Variants in RP1 observed in about 807,000 individuals in gnomAD.
The protein encoded by RP1 is RP1 axonemal microtubule associated, also known as oxygen-regulated protein 1.
Under a neutral mutation model 14.8 loss-of-function variants are expected in RP1, and 16 were observed. The observed-to-expected ratio is 1.08, with a 90% confidence interval of 0.73 to 1.65. The LOEUF (loss-of-function observed/expected upper bound fraction) is 1.65, where lower values mean the gene tolerates loss of function less well. Among genes scored for constraint, RP1 ranks in the 40% most tolerant of loss-of-function variants. RP1 has a pLI of 0.00. For missense variants in RP1, 2,631 were observed against 2,535.0 expected (o/e 1.04, Z -0.81); for synonymous variants, 876 against 883.6 (o/e 0.99, Z 0.15).
At position 54,629,983 on chromosome 8, in the gene RP1, T is replaced by C. The variant is rs1806206218; in HGVS notation, c.6101T>C (p.Met2034Thr). ...CCAGATTTGAAGGAAAGGTTTTGTA[T>C]GAATTTCTTGCACACATCATTGTTA... The part of the protein sequence containing the change: ...FQPDLKERFC[M>T]NFLHTSLLVV... Residue 2034 changes from methionine to threonine, a missense_variant, in exon 4 of 4, where the codon ATG (methionine) becomes ACG (threonine). By Grantham distance (81) the Met-to-Thr change is moderately conservative. Transcript: ENST00000220676. The C allele has an allele frequency of 6.2e-7, 1 of 1,614,054 alleles. No individual in the cohort carries two copies. The highest frequency in any genetic ancestry group is 8.5e-7 in the Non-Finnish European group (1 of 1,179,970).
intron 27 of RP1, among the ~76,000 whole-genome samples, chr8:54,864,647 G>A (rs1057240876): frequency 5.9e-5 from 9 of 152,128 alleles, no homozygotes; most frequent in African/African-American, 2.4e-5. Context: ...GCAGAGCAGC[G>A]CTGCCTGTAT....
intron 14 of RP1, chr8:54,706,350 C>A: frequency 3.2e-6 from 4 of 1,266,530 alleles, no homozygotes; most frequent in African/African-American, 1.5e-5. Context: ...GTCACTATGG[C>A]TTCAGTAAGA....
chr8:54,807,656 A>G (rs973888267), intron 24 of RP1, among the ~76,000 whole-genome samples: 31 of 55,672 alleles, frequency 5.6e-4, no homozygotes, highest in Non-Finnish European at 7.9e-4. Context: ...CTATCTATCT[A>G]TCTATCTATC....
intron 24 of RP1, among the ~76,000 whole-genome samples, chr8:54,789,698 C>G (rs1308353450): frequency 6.6e-6 from 1 of 152,176 alleles, no homozygotes. Flanking sequence ...GGAGTCCAGA[C>G]AGCAAACCCA....
chr8:54,699,469 G>T, exon 13 of RP1: 1 of 1,356,596 alleles, frequency 7.4e-7, no homozygotes, highest in African/African-American at 1.4e-5. Context: ...TTTTCCAGGT[G>T]TCTTTGATGT....
In RP1 at chr8:54,740,590, T is replaced by G. The variant is rs185777626; in HGVS notation, c.2808+1561T>G. ...TACAAGAATTAGCTGGGCGTGGTGA[T>G]ATGCACCTGTAATCCCAGCTACTCA... On this transcript the variant is annotated intron_variant, in intron 19 of 22. Transcript: ENST00000636932. Among the ~76,000 whole-genome samples the G allele has an allele frequency of 4.2e-4, 64 of 151,572 alleles. No homozygotes were observed. In the East Asian group the frequency reaches 9.9e-3, roughly 23 times the overall value.
chr8:54,843,660 A>G (rs1811843788), intron 25 of RP1, among the ~76,000 whole-genome samples: 1 of 152,170 alleles, frequency 6.6e-6, no homozygotes, highest in Admixed American at 6.5e-5. Context: ...TTCATTAATT[A>G]AATCAAAGGG....
chr8:54,607,539 C>A (rs2129308211), intron 1 of RP1, among the ~76,000 whole-genome samples: 1 of 152,312 alleles, frequency 6.6e-6, no homozygotes, highest in Non-Finnish European at 1.5e-5. Context: ...TCTCCAGTTG[C>A]ATGCTGGGAG....
chr8:54,699,464 C>G, intron 12 of RP1: 1 of 1,329,766 alleles, frequency 7.5e-7, no homozygotes, highest in Non-Finnish European at 9.7e-7. Flanking sequence ...AAATGTTTTC[C>G]AGGTGTCTTT....
At chr8:54,590,877 T>G (rs189588092) in intron 1 of RP1, among the ~76,000 whole-genome samples, 33 of 152,322 alleles carry the variant, frequency 2.2e-4, no homozygotes, top group African/African-American at 7.7e-4. Flanking sequence ...ATTACAGATG[T>G]CAGCCTTCAT....
At chr8:54,823,500 T>C (rs912883972) in intron 24 of RP1, among the ~76,000 whole-genome samples, 5 of 152,102 alleles carry the variant, frequency 3.3e-5, no homozygotes, top group African/African-American at 1.2e-4. Flanking sequence ...CAGCTAATTT[T>C]TGTGTTTTTA....
chr8:54,699,179 A>T (rs1807951234), intron 12 of RP1, among the ~76,000 whole-genome samples: 1 of 151,454 alleles, frequency 6.6e-6, no homozygotes, highest in Non-Finnish European at 1.5e-5. Context: ...ATATACGTAC[A>T]TACTCAAATA....
chr8:54,775,758 G>A (rs1397485705), intron 23 of RP1, among the ~76,000 whole-genome samples: 1 of 152,224 alleles, frequency 6.6e-6, no homozygotes, highest in African/African-American at 2.4e-5. Context: ...CATGGTAGCA[G>A]TAGAATTGGT....
chr8:54,778,321 CTTTTT>C (rs35643905), intron 23 of RP1, among the ~76,000 whole-genome samples: 24 of 96,744 alleles, frequency 2.5e-4, no homozygotes, highest in African/African-American at 5.9e-4. Flanking sequence ...GCTTCTTCTT[CTTTTT>C]TTTTTTTTTT....
At chr8:54,822,352 A>G (rs1811276896) in intron 24 of RP1, among the ~76,000 whole-genome samples, 1 of 138,198 alleles carries the variant, frequency 7.2e-6, no homozygotes, top group African/African-American at 2.6e-5. Flanking sequence ...TGTATCTACT[A>G]TGATTTTGTA....
chr8:54,796,066 A>G (rs1375331115), intron 24 of RP1, among the ~76,000 whole-genome samples: 3 of 152,096 alleles, frequency 2.0e-5, no homozygotes, highest in East Asian at 1.9e-4. Context: ...ATTTTTCTCA[A>G]TTGGTAGCCA....
chr8:54,639,691 T>C (rs923243380), intron 3 of RP1, among the ~76,000 whole-genome samples: 7 of 152,218 alleles, frequency 4.6e-5, no homozygotes, highest in Non-Finnish European at 2.9e-5. Context: ...TTGCTGTTCA[T>C]ATATCTTTTG....
intron 1 of RP1, among the ~76,000 whole-genome samples, chr8:54,609,177 A>T (rs1805531358): frequency 6.6e-6 from 1 of 152,180 alleles, no homozygotes; most frequent in Non-Finnish European, 1.5e-5. Flanking sequence ...TCTCCTGGCC[A>T]GCCTGCATTG....
At chr8:54,690,725 AGCAAATCAGGGCTAT>A (rs1282650355) in intron 12 of RP1, among the ~76,000 whole-genome samples, 1 of 152,050 alleles carries the variant, frequency 6.6e-6, no homozygotes, top group Non-Finnish European at 1.5e-5. Context: ...ACTGAGCTGC[AGCAAATCAGGGCTAT>A]TTGTATCAAA....
Sources: allele counts gnomAD v4.1 joint callset (sites outside exome capture counted in the v4.1 genomes callset), GRCh38; gene constraint gnomAD v4.1.1; transcripts MANE v1.5; gene names NCBI Gene and HGNC (gene_info 2026-07-23, HGNC 2026-07-21).